The following ATXN7L1 variants were observed in gnomAD, a reference collection of about 807,000 sequenced individuals.
ATXN7L1 encodes the protein ataxin-7-like protein 1.
ATXN7L1 carries 15 observed loss-of-function variants against 70.8 expected under a neutral mutation model. That is an observed-to-expected ratio of 0.21 (90% CI 0.14 to 0.33). The LOEUF (loss-of-function observed/expected upper bound fraction) is 0.33, where lower values mean the gene tolerates loss of function less well. Ranked by LOEUF, ATXN7L1 falls within the 10% of genes least tolerant of loss-of-function variation. The probability of loss-of-function intolerance (pLI) is 1.00; values close to 1 mark genes in which losing one functional copy is unlikely to be tolerated. For synonymous variants in ATXN7L1, 440 were observed against 445.1 expected (o/e 0.99, Z 0.14); for missense variants, 975 against 1,097.1 (o/e 0.89, Z 1.57).
Position 105,727,746 on chromosome 7 carries a change from GTATATA to G in ATXN7L1, c.355+60852_355+60857del, listed in dbSNP as rs1232202676. Among the ~76,000 whole-genome samples the G allele has an allele frequency of 9.2e-4, 51 of 55,340 alleles. 1 individual carries two copies. The highest frequency in any genetic ancestry group is 2.9e-3 in the South Asian group (3 of 1,032). The allele number at this position is 55,340 out of a possible 152,430, so 36.3% of individuals were successfully genotyped here. ...CATAGGGGTGTGTGTGTGTATGTGTGTATATATATATATATATATATATATATATAT... is the reference window on the plus strand; with the variant it reads ...CATAGGGGTGTGTGTGTGTATGTGTGTATATATATATATATATATATATAT... On this transcript the variant is annotated intron_variant, in intron 3 of 11. Coordinates refer to ENST00000419735, the MANE Select transcript of ATXN7L1 (RefSeq NM_020725.2).
At chr7:105,854,474 A>G (rs1487494759) in intron 2 of ATXN7L1, among the ~76,000 whole-genome samples, 2 of 28,008 alleles carry the variant, frequency 7.1e-5, no homozygotes, top group South Asian at 1.2e-3. Context: ...TAGCTCTGAA[A>G]AAAAAAAAAA....
chr7:105,675,633 A>T (rs1265327120), intron 3 of ATXN7L1, among the ~76,000 whole-genome samples: 1 of 150,092 alleles, frequency 6.7e-6, no homozygotes, highest in African/African-American at 2.4e-5. Flanking sequence ...CAAAAAAAAG[A>T]AAAAAAAAAG....
At chr7:105,700,732 C>T (rs1792345003) in intron 3 of ATXN7L1, among the ~76,000 whole-genome samples, 1 of 151,956 alleles carries the variant, frequency 6.6e-6, no homozygotes, top group Non-Finnish European at 1.5e-5. Flanking sequence ...ACCCAGGCTG[C>T]AGTGTAGTGG....
rs192325064 is a variant in ATXN7L1 at position 105,641,196 on chromosome 7, C to T, written c.863-1627G>A. The stretch of plus-strand genomic sequence containing the variant: ...TTTTTTTGCTTTTTGTCTGCCTTTT[C>T]TCTCTCTCTCTCTCTCTCTTTTTTT... On this transcript the variant is annotated intron_variant, in intron 5 of 11. Transcript: ENST00000419735. Among the ~76,000 whole-genome samples, 27 of 74,234 alleles carry T rather than the reference C, an allele frequency of 3.6e-4. No homozygotes were observed. In the East Asian group the frequency reaches 7.6e-3, roughly 21 times the overall value. The allele number at this position is 74,234 out of a possible 152,430, so 48.7% of individuals were successfully genotyped here.
At chr7:105,853,363 G>A (rs1223624497) in intron 2 of ATXN7L1, among the ~76,000 whole-genome samples, 2 of 152,176 alleles carry the variant, frequency 1.3e-5, no homozygotes, top group Non-Finnish European at 2.9e-5. Context: ...GACCAGCCTG[G>A]CCAACATGGT....
Position 105,714,299 on chromosome 7 carries a change from C to T in ATXN7L1, c.356-49011G>A, listed in dbSNP as rs200652123. Among the ~76,000 whole-genome samples, 33 of 152,304 alleles carry T rather than the reference C, an allele frequency of 2.2e-4. No individual in the cohort carries two copies. In the East Asian group the frequency reaches 4.6e-3, roughly 21 times the overall value. ...CCAGATGGAGCCCACAGCTCTGGAT[C>T]GGAGGCATCAGTGCCTCTGGCAGGA... On this transcript the variant is annotated intron_variant, in intron 3 of 11. Transcript: ENST00000419735.
At chr7:105,805,905 T>A (rs909442871) in intron 2 of ATXN7L1, among the ~76,000 whole-genome samples, 4 of 152,142 alleles carry the variant, frequency 2.6e-5, no homozygotes, top group Middle Eastern at 6.8e-3. Flanking sequence ...AGTTTTACCA[T>A]GTGCTCATGA....
chr7:105,772,134 C>T (rs1299084433), intron 3 of ATXN7L1, among the ~76,000 whole-genome samples: 3 of 130,192 alleles, frequency 2.3e-5, no homozygotes, highest in Non-Finnish European at 3.1e-5. Flanking sequence ...AGTGCAGTGG[C>T]ACGATCTCGG....
chr7:105,836,247 A>G (rs1247041656), intron 2 of ATXN7L1, among the ~76,000 whole-genome samples: 1 of 152,196 alleles, frequency 6.6e-6, no homozygotes, highest in Non-Finnish European at 1.5e-5. Context: ...TGCACAGAAC[A>G]TGGAGGTTTC....
At chr7:105,835,022 C>T (rs1812155090) in intron 2 of ATXN7L1, among the ~76,000 whole-genome samples, 1 of 151,688 alleles carries the variant, frequency 6.6e-6, no homozygotes, top group African/African-American at 2.4e-5. Flanking sequence ...CCTCTTGACC[C>T]TTAAACAGAA....
At position 105,614,557 on chromosome 7, in the gene ATXN7L1, T is replaced by C. The variant is rs968032158; in HGVS notation, c.1777A>G (p.Ile593Val). 5 of 1,548,098 alleles carry C rather than the reference T, an allele frequency of 3.2e-6. No individual in the cohort carries two copies. The highest frequency in any genetic ancestry group is 1.7e-6 in the Non-Finnish European group (2 of 1,144,654). Residue 593 changes from isoleucine (I) to valine (V), a missense_variant, in exon 10 of 12, where the codon ATC becomes GTC. Ile to Val is a conservative substitution (Grantham distance 29). Transcript: ENST00000419735. This position sits in a 1 kb window ranked among gnomAD's most constrained non-coding sequence, Gnocchi z 4.3. ...GGGGCCTTGAAGGTTGAGTCCATGA[T>C]GCTGAGGGTTGCGGCCACATGAGGG... ...AFPHVAATLS[I>V]MDSTFKAPSA...
intron 2 of ATXN7L1, among the ~76,000 whole-genome samples, chr7:105,834,111 C>T (rs1482133427): frequency 6.6e-6 from 1 of 152,166 alleles, no homozygotes; most frequent in African/African-American, 2.4e-5. Context: ...GGTATGATCT[C>T]AGCTCACCGC....
Position 105,794,772 on chromosome 7 carries a change from T to G in ATXN7L1, c.251-6064A>C, listed in dbSNP as rs1038411008. 7.2e-5 allele frequency among the ~76,000 whole-genome samples: 11 copies of G among 152,156 alleles called. 1 individual carries two copies. Among genetic ancestry groups the G allele is most frequent in the African/African-American group, 2.4e-4 (10 of 41,552 alleles). On this transcript the variant is annotated intron_variant, in intron 2 of 11. Coordinates refer to ENST00000419735, the MANE Select transcript of ATXN7L1 (RefSeq NM_020725.2). ...AAATTGTCATGGGTGGGGTGGGGGA[T>G]GGGGAATTAGGTTACTGGAGTTCTT...
At chr7:105,733,932 T>TC (rs779186972) in intron 3 of ATXN7L1, among the ~76,000 whole-genome samples, 3 of 96,664 alleles carry the variant, frequency 3.1e-5, no homozygotes, top group Admixed American at 1.0e-4. Context: ...CCATCATCCA[T>TC]CATCCATCCA....
rs910404802 is a variant in ATXN7L1 at position 105,667,526 on chromosome 7, C to T, written c.356-2238G>A. Among the ~76,000 whole-genome samples the T allele has an allele frequency of 1.1e-4, 12 of 110,894 alleles. 2 individuals carry two copies. Among genetic ancestry groups the T allele is most frequent in the South Asian group, 8.7e-4 (2 of 2,298 alleles). The allele number at this position is 110,894 out of a possible 152,430, so 72.8% of individuals were successfully genotyped here. On this transcript the variant is annotated intron_variant, in intron 3 of 11. Coordinates refer to ENST00000419735, the MANE Select transcript of ATXN7L1 (RefSeq NM_020725.2). ...CATCCCGGCTAAAATGGTGAAACCC[C>T]GTCTCTACTAAAAATACAAAAAATT...
At chr7:105,754,250 A>AACACTC (rs1799534421) in intron 3 of ATXN7L1, among the ~76,000 whole-genome samples, 1 of 152,088 alleles carries the variant, frequency 6.6e-6, no homozygotes, top group Non-Finnish European at 1.5e-5. Context: ...AGTGGAGGAG[A>AACACTC]GGGGAAGGAC....
chr7:105,778,535 A>ACC (rs200824538), intron 3 of ATXN7L1, among the ~76,000 whole-genome samples: 1 of 146,810 alleles, frequency 6.8e-6, no homozygotes, highest in Non-Finnish European at 1.5e-5. Context: ...AAAAAAAAAA[A>ACC]CAAAGACTAA....
At chr7:105,737,349 C>T (rs989342416) in intron 3 of ATXN7L1, among the ~76,000 whole-genome samples, 2 of 152,230 alleles carry the variant, frequency 1.3e-5, no homozygotes, top group Non-Finnish European at 2.9e-5. Flanking sequence ...TGATCATGTG[C>T]AGAGCACACG....
chr7:105,735,797 C>T (rs1302674709), intron 3 of ATXN7L1, among the ~76,000 whole-genome samples: 1 of 152,034 alleles, frequency 6.6e-6, no homozygotes, highest in East Asian at 1.9e-4. Flanking sequence ...AGTGAGATTT[C>T]CTGCTATGGA....
Sources: gnomAD v4.1 joint callset for allele counts (sites outside exome capture counted in the v4.1 genomes callset) on GRCh38, gnomAD v4.1.1 for gene constraint, Gnocchi (gnomAD v3.1) non-coding constraint, MANE v1.5 for transcripts, NCBI Gene and HGNC (gene_info 2026-07-23, HGNC 2026-07-21) for gene names.